RPA1: variants seen among roughly 807,000 people sequenced by gnomAD.
RPA1 encodes replication protein A1.
RPA1 carries 49 observed loss-of-function variants against 83.0 expected under a neutral mutation model. The observed-to-expected ratio is 0.59, with a 90% CI of 0.47 to 0.75. The LOEUF is 0.75. Ranked by LOEUF, RPA1 falls within the 30% of genes least tolerant of loss-of-function variation. The pLI is 0.00. For synonymous variants in RPA1, 279 were observed against 281.8 expected, an observed-to-expected ratio of 0.99 and a Z score of 0.10; for missense variants, 693 against 776.1, an observed-to-expected ratio of 0.89 and a Z score of 1.27.
Position 1,899,846 on chromosome 17 carries a change from T to C in RPA1, c.*2671T>C, listed in dbSNP as rs1597468269. On this transcript the variant is annotated 3_prime_UTR_variant, in exon 17 of 17. Transcript: ENST00000254719. ...TTGGTCTCCTTTTCTTCTTTTCACC[T>C]GTTAGAAGGCCACTATTCCCCTAGT... The C allele has an allele frequency of 6.6e-6, 1 of 152,206 alleles. No homozygotes were observed. The highest frequency in any genetic ancestry group is 1.9e-4 in the East Asian group (1 of 5,192). The allele number at this position is 152,206 out of a possible 1,614,324, so 9.4% of individuals were successfully genotyped here. A position where few individuals can be genotyped will look rare whatever the true frequency, so the allele number is the denominator to read the frequency against.
chr17:1,889,570 G>A (rs1373268364), intron 14 of RPA1, among the ~76,000 whole-genome samples: 1 of 151,998 alleles, frequency 6.6e-6, no homozygotes, highest in Non-Finnish European at 1.5e-5. Context: ...CAAGTTCCTG[G>A]CCTCATGTCA....
At chr17:1,846,311 CTTT>C (rs71150823) in intron 4 of RPA1, among the ~76,000 whole-genome samples, 150 of 75,798 alleles carry the variant, frequency 2.0e-3, no homozygotes, top group African/African-American at 7.6e-3. Flanking sequence ...GGAAGCTTTG[CTTT>C]TTTTTTTTTT....
intron 8 of RPA1, among the ~76,000 whole-genome samples, chr17:1,878,747 T>G (rs995185021): frequency 6.6e-6 from 1 of 152,202 alleles, no homozygotes; most frequent in African/African-American, 2.4e-5. Context: ...TAATGCAGCA[T>G]GATTATGGGA....
intron 5 of RPA1, chr17:1,854,208 C>T (rs1008532926): frequency 6.6e-6 from 1 of 151,800 alleles, no homozygotes; most frequent in African/African-American, 2.4e-5. Flanking sequence ...AATCACTGGC[C>T]CCATTAAAGG....
intron 5 of RPA1, among the ~76,000 whole-genome samples, chr17:1,867,710 CA>C (rs545978449): frequency 2.1e-5 from 3 of 144,566 alleles, no homozygotes; most frequent in African/African-American, 2.5e-5. Flanking sequence ...GACCCTGTCT[CA>C]AAAAAAAAAT....
At chr17:1,870,522 C>T (rs1472591989) in intron 5 of RPA1, among the ~76,000 whole-genome samples, 3 of 152,210 alleles carry the variant, frequency 2.0e-5, no homozygotes, top group African/African-American at 4.8e-5. Flanking sequence ...AGTTCAGTGA[C>T]ATTAAGTCCA....
intron 1 of RPA1, among the ~76,000 whole-genome samples, chr17:1,841,024 A>C (rs1389907953): frequency 3.9e-5 from 6 of 152,174 alleles, no homozygotes; most frequent in Non-Finnish European, 7.3e-5. Context: ...CTGAGATTGC[A>C]CCACCACGCT....
chr17:1,846,009 T>A (rs1912242638), intron 4 of RPA1, among the ~76,000 whole-genome samples: 1 of 152,204 alleles, frequency 6.6e-6, no homozygotes, highest in Non-Finnish European at 1.5e-5. Context: ...GTAATTAGTT[T>A]TTTAAATTCT....
intron 5 of RPA1, among the ~76,000 whole-genome samples, chr17:1,871,038 T>A (rs1285081303): frequency 6.6e-6 from 1 of 152,230 alleles, no homozygotes; most frequent in Non-Finnish European, 1.5e-5. Context: ...TTCTATTGAT[T>A]TTAAAAAAGG....
In RPA1 at chr17:1,899,355, T is replaced by A. The variant is rs147183955; in HGVS notation, c.*2180T>A. 5.3e-4 allele frequency: 81 copies of A among 152,676 alleles called. No homozygotes were observed. Among genetic ancestry groups the A allele is most frequent in the African/African-American group, 1.9e-3 (79 of 41,564 alleles). 9.5% of individuals were successfully genotyped at this position (152,676 alleles called of 1,614,324 possible). On this transcript the variant is annotated 3_prime_UTR_variant, in exon 17 of 17. Coordinates refer to ENST00000254719, the MANE Select transcript of RPA1 (RefSeq NM_002945.5). ...TCCTCTTTCACTTAGAGATCAATGT[T>A]GATTTTGCGTACACCATGACATCAG...
chr17:1,873,992 CAAAAAA>C (rs71150832), intron 6 of RPA1, among the ~76,000 whole-genome samples: 226 of 45,364 alleles, frequency 5.0e-3, no homozygotes, highest in Middle Eastern at 0.018. Context: ...GACTCTGTCT[CAAAAAA>C]AAAAAAAAAA....
rs138557738 is a variant in RPA1, at chr17:1,890,618, G to A, written c.1552-1215G>A. On this transcript the variant is annotated intron_variant, in intron 14 of 16. Transcript: ENST00000254719. ...GTGGAGTTTGCAGTGAGCCACGATC[G>A]CGCCACTGCATTCCAGCCTGGGTGA... 1.2e-4 allele frequency among the ~76,000 whole-genome samples: 18 copies of A among 152,198 alleles called. No individual in the cohort carries two copies. In the East Asian group the frequency reaches 2.5e-3, roughly 21 times the overall value.
intron 1 of RPA1, among the ~76,000 whole-genome samples, chr17:1,841,630 C>T (rs1289827967): frequency 6.6e-6 from 1 of 152,150 alleles, no homozygotes; most frequent in Non-Finnish European, 1.5e-5. Context: ...CTTTTTTTCC[C>T]TTGCCCTATT....
rs17339402 is a variant in RPA1 at position 1,899,292 on chromosome 17, C to CAGTTCGTAGAATTCTCTTGGATAT, written c.*2121_*2122insCGTAGAATTCTCTTGGATATAGTT. 0.21 allele frequency: 31,891 copies of CAGTTCGTAGAATTCTCTTGGATAT among 152,568 alleles called. 3,408 individuals are homozygous for CAGTTCGTAGAATTCTCTTGGATAT. Among genetic ancestry groups the CAGTTCGTAGAATTCTCTTGGATAT allele is most frequent in the South Asian group, 0.28 (1,353 of 4,816 alleles). 9.5% of individuals were successfully genotyped at this position (152,568 alleles called of 1,614,324 possible). A position where few individuals can be genotyped will look rare whatever the true frequency, so the allele number is the denominator to read the frequency against. On this transcript the variant is annotated 3_prime_UTR_variant, in exon 17 of 17. Transcript: ENST00000254719. Reference sequence around the variant, plus strand: ...GGTTGCCTAAATAGATTCTGGCCCACAGTTTACCTCGAAAGGCTGTTGATG... The same window carrying CAGTTCGTAGAATTCTCTTGGATAT: ...GGTTGCCTAAATAGATTCTGGCCCACAGTTCGTAGAATTCTCTTGGATATAGTTTACCTCGAAAGGCTGTTGATG...
At chr17:1,885,974 A>C (rs1297865037) in intron 13 of RPA1, among the ~76,000 whole-genome samples, 2 of 152,140 alleles carry the variant, frequency 1.3e-5, no homozygotes, top group African/African-American at 4.8e-5. Context: ...CCCTCGGGTG[A>C]ACAGGTGCAT....
intron 1 of RPA1, among the ~76,000 whole-genome samples, chr17:1,839,295 CATTGTAA>C (rs1911948189): frequency 6.6e-6 from 1 of 152,016 alleles, no homozygotes; most frequent in Non-Finnish European, 1.5e-5. Context: ...TGAAATCTGG[CATTGTAA>C]ATTCTCCAGC....
Position 1,895,077 on chromosome 17 carries a change from C to T in RPA1, c.1728C>T (p.Val576=), listed in dbSNP as rs755859139. The T allele has an allele frequency of 9.3e-6, 15 of 1,613,310 alleles. No homozygotes were observed. The East Asian group carries it at 3.3e-4, about 36-fold the overall frequency. Residue 576 remains valine (V), a synonymous_variant, in exon 16 of 17, where the codon GTC becomes GTT. Transcript: ENST00000254719. Reference sequence around the variant, plus strand: ...GATCTTTCATATTCAGAGTCAGGGTCAAAGTGGAGACCTACAACGTAAGTA... The same window carrying T: ...GATCTTTCATATTCAGAGTCAGGGTTAAAGTGGAGACCTACAACGTAAGTA... ...NFRSFIFRVR[V]KVETYNDESR... is the part of the protein sequence containing the mutation.
Position 1,853,116 on chromosome 17 carries a change from G to A in RPA1, c.288G>A (p.Leu96=). 2 of 1,614,128 alleles carry A rather than the reference G, an allele frequency of 1.2e-6. No homozygotes were observed. Among genetic ancestry groups the A allele is most frequent in the East Asian group, 4.5e-5 (2 of 44,878 alleles). The change falls in exon 5 of 17, where the codon TTG becomes TTA. Residue 96 remains leucine, a synonymous_variant. Transcript: ENST00000254719. The part of the protein sequence containing the change: ...TLKDGRRVVI[L]MELEVLKSAE... ...GCTTTTGCAGGAGAGTAGTTATCTT[G>A]ATGGAATTAGAAGTTTTGAAGTCAG...
chr17:1,878,981 G>A lies in RPA1; in HGVS notation c.691-12G>A, dbSNP rs778349642. 6.2e-6 allele frequency: 10 copies of A among 1,614,058 alleles called. No homozygotes were observed. In the South Asian group the frequency reaches 8.8e-5, roughly 14 times the overall value. On this transcript the variant is annotated splice_polypyrimidine_tract_variant and intron_variant, in intron 8 of 16. Coordinates refer to ENST00000254719, the MANE Select transcript of RPA1 (RefSeq NM_002945.5). ...AATCCCGCAGCCCTAACCTGCCCAC[G>A]TGCTTCTGCAGGGTGAAATCCGAGC... is the stretch of plus-strand genomic sequence containing the variant.
Sources: allele counts gnomAD v4.1 joint callset (sites outside exome capture counted in the v4.1 genomes callset), GRCh38; gene constraint gnomAD v4.1.1; transcripts MANE v1.5; gene names NCBI Gene and HGNC (gene_info 2026-07-23, HGNC 2026-07-21).